Variants in KCNH7 observed in about 807,000 individuals in gnomAD.
KCNH7 encodes the protein potassium voltage-gated channel subfamily H member 7, also known as voltage-gated inwardly rectifying potassium channel KCNH7.
KCNH7 carries 49 observed loss-of-function variants against 120.8 expected under a neutral mutation model. The observed-to-expected ratio is 0.41, with a 90% CI of 0.32 to 0.51. The LOEUF (loss-of-function observed/expected upper bound fraction) is 0.51. KCNH7 is among the 20% of genes least tolerant of loss of function. KCNH7 has a pLI of 0.38. For missense variants in KCNH7, 1,097 were observed against 1,446.6 expected, an observed-to-expected ratio of 0.76 and a Z score of 3.92; for synonymous variants, 547 against 516.1, an observed-to-expected ratio of 1.06 and a Z score of -0.81.
intron 2 of KCNH7, among the ~76,000 whole-genome samples, chr2:162,684,939 G>A (rs540583553): frequency 7.2e-5 from 11 of 152,182 alleles, no homozygotes; most frequent in African/African-American, 2.6e-4. Flanking sequence ...CAAAGACTTG[G>A]AGCCAACCCA....
rs967993965 is a variant in KCNH7, at chr2:162,416,299, G to A, written c.2154+7037C>T. Among the ~76,000 whole-genome samples, 47 of 151,688 alleles carry A rather than the reference G, an allele frequency of 3.1e-4. 1 individual carries two copies. Among genetic ancestry groups the A allele is most frequent in the African/African-American group, 1.1e-3 (44 of 41,326 alleles). On this transcript the variant is annotated intron_variant, in intron 9 of 15. Coordinates refer to ENST00000332142, the MANE Select transcript of KCNH7 (RefSeq NM_033272.4). The stretch of plus-strand genomic sequence containing the variant: ...GAGACAGGAGAATCGCTTGAACCCA[G>A]GAGGTGGAAGTTGCAGTGAGCTGAG...
intron 6 of KCNH7, among the ~76,000 whole-genome samples, chr2:162,470,862 G>T (rs778399563): frequency 6.6e-6 from 1 of 152,234 alleles, no homozygotes; most frequent in African/African-American, 2.4e-5. Context: ...TGTGTAGAAA[G>T]AAGTAGACAT....
At chr2:162,573,589 A>G (rs1306064161) in intron 2 of KCNH7, among the ~76,000 whole-genome samples, 1 of 152,026 alleles carries the variant, frequency 6.6e-6, no homozygotes, top group African/African-American at 2.4e-5. Context: ...ATACCTGTAG[A>G]GAACATTATT....
At chr2:162,613,068 C>CTT (rs1165458059) in intron 2 of KCNH7, among the ~76,000 whole-genome samples, 1 of 151,800 alleles carries the variant, frequency 6.6e-6, no homozygotes, top group Non-Finnish European at 1.5e-5. Context: ...AGAGAGAAAA[C>CTT]AACCACATAT....
chr2:162,685,446 C>T (rs1685856409), intron 2 of KCNH7, among the ~76,000 whole-genome samples: 1 of 151,804 alleles, frequency 6.6e-6, no homozygotes. Flanking sequence ...AGGTAATATC[C>T]AATAAAATCC....
chr2:162,571,029 T>C (rs1055373543), intron 2 of KCNH7, among the ~76,000 whole-genome samples: 2 of 151,918 alleles, frequency 1.3e-5, no homozygotes, highest in Non-Finnish European at 2.9e-5. Flanking sequence ...CAACATAGTG[T>C]TGGAAGTTCT....
chr2:162,820,033 C>CTTTTTTTTTTT (rs66809770), intron 2 of KCNH7, among the ~76,000 whole-genome samples: 1 of 77,040 alleles, frequency 1.3e-5, no homozygotes, highest in Non-Finnish European at 2.4e-5. Flanking sequence ...ATTCCATAAA[C>CTTTTTTTTTTT]TTTTTTTTTT....
chr2:162,655,602 A>T (rs13397392), intron 2 of KCNH7, among the ~76,000 whole-genome samples: 37,066 of 151,724 alleles, frequency 0.24, 7,074 homozygotes, highest in African/African-American at 0.52. Context: ...CTGGCCAACA[A>T]GGTGAAACCC....
At chr2:162,768,487 C>T (rs1351051962) in intron 2 of KCNH7, among the ~76,000 whole-genome samples, 2 of 152,100 alleles carry the variant, frequency 1.3e-5, no homozygotes, top group East Asian at 3.9e-4. Context: ...CAGCAAAATC[C>T]ACAGACTTAA....
chr2:162,696,136 G>T (rs552389757), intron 2 of KCNH7, among the ~76,000 whole-genome samples: 1 of 152,214 alleles, frequency 6.6e-6, no homozygotes, highest in African/African-American at 2.4e-5. Flanking sequence ...TAAAACTAAG[G>T]CTTTGCTTAC....
chr2:162,628,895 A>T (rs1683655666), intron 2 of KCNH7, among the ~76,000 whole-genome samples: 1 of 152,058 alleles, frequency 6.6e-6, no homozygotes, highest in East Asian at 1.9e-4. Flanking sequence ...GAGGACCAGT[A>T]TACATTTTGG....
intron 6 of KCNH7, among the ~76,000 whole-genome samples, chr2:162,484,398 G>A (rs1690026452): frequency 1.3e-5 from 2 of 152,060 alleles, no homozygotes; most frequent in African/African-American, 4.8e-5. Context: ...GTATGCTAAG[G>A]AGCACAAGTT....
chr2:162,626,894 C>T (rs1683580254), intron 2 of KCNH7, among the ~76,000 whole-genome samples: 1 of 152,068 alleles, frequency 6.6e-6, no homozygotes, highest in Admixed American at 6.6e-5. Flanking sequence ...TCTCCAAAAC[C>T]CCAGGAGTGA....
At chr2:162,628,004 T>G (rs1156332572) in intron 2 of KCNH7, among the ~76,000 whole-genome samples, 1 of 152,182 alleles carries the variant, frequency 6.6e-6, no homozygotes, top group East Asian at 1.9e-4. Flanking sequence ...TGACGAATTA[T>G]AGTTTTTACA....
chr2:162,788,744 A>C (rs1683805292), intron 2 of KCNH7, among the ~76,000 whole-genome samples: 1 of 152,064 alleles, frequency 6.6e-6, no homozygotes, highest in Non-Finnish European at 1.5e-5. Context: ...CTAAATATGG[A>C]GAAGGAGATG....
chr2:162,653,415 T>G (rs1684635018), intron 2 of KCNH7, among the ~76,000 whole-genome samples: 1 of 152,162 alleles, frequency 6.6e-6, no homozygotes, highest in African/African-American at 2.4e-5. Flanking sequence ...CAAAAATCAG[T>G]AGCAGTTCTA....
In KCNH7 at chr2:162,380,097, A is replaced by T. The variant is rs369958633; in HGVS notation, c.2963-76T>A. 20 of 1,524,456 alleles carry T rather than the reference A, an allele frequency of 1.3e-5. No individual in the cohort carries two copies. The East Asian group carries it at 2.0e-4, about 15-fold the overall frequency. 94.4% of individuals were successfully genotyped at this position (1,524,456 alleles called of 1,614,324 possible). On this transcript the variant is annotated intron_variant, in intron 13 of 15. Coordinates refer to ENST00000332142, the MANE Select transcript of KCNH7 (RefSeq NM_033272.4). ...TCAATAATTCATAGATATCCACAAG[A>T]CAAGCTGGAAAGGATCGGAGTATAA...
intron 2 of KCNH7, among the ~76,000 whole-genome samples, chr2:162,685,629 G>A (rs986456877): frequency 7.9e-5 from 12 of 151,786 alleles, no homozygotes; most frequent in East Asian, 1.9e-4. Context: ...GAAAACTGAA[G>A]CAAAGGAACA....
chr2:162,570,976 A>G (rs1693451290), intron 2 of KCNH7, among the ~76,000 whole-genome samples: 1 of 152,082 alleles, frequency 6.6e-6, no homozygotes, highest in Admixed American at 6.6e-5. Flanking sequence ...TTCCCTTTGA[A>G]AACTGGCACA....
Sources: gnomAD v4.1 joint callset for allele counts (sites outside exome capture counted in the v4.1 genomes callset) on GRCh38, gnomAD v4.1.1 for gene constraint, MANE v1.5 for transcripts, NCBI Gene and HGNC (gene_info 2026-07-23, HGNC 2026-07-21) for gene names.